The following CELF2 variants were observed in gnomAD, a reference collection of about 807,000 sequenced individuals.
CELF2 encodes CUGBP Elav-like family member 2.
A neutral mutation model predicts 62.6 loss-of-function variants in CELF2; 8 were observed. The observed-to-expected ratio is 0.13, with a 90% CI of 0.07 to 0.23. The LOEUF (loss-of-function observed/expected upper bound fraction) is 0.23. Among genes scored for constraint, CELF2 ranks in the 10% least tolerant of loss-of-function variants. CELF2 has a pLI of 1.00. For synonymous variants in CELF2, 258 were observed against 250.0 expected (o/e 1.03, Z -0.30); for missense variants, 333 against 671.0 (o/e 0.50, Z 5.56).
chr10:11,055,966 A>G (rs914777125), intron 1 of CELF2, among the ~76,000 whole-genome samples: 1 of 152,230 alleles, frequency 6.6e-6, no homozygotes, highest in East Asian at 1.9e-4. Context: ...GGGGAGCCAC[A>G]GAGAAGAGTA....
At position 11,280,589 on chromosome 10, in the gene CELF2, TC is replaced by T. The variant is rs1302164112; in HGVS notation, c.841+5473del. ...CCCAGGAACACTGGGGCCAAGACAG[TC>T]CCCACGCTCTTCTCGCCCCGGGTTA... On this transcript the variant is annotated intron_variant, in intron 8 of 12. Coordinates refer to ENST00000633077, the MANE Select transcript of CELF2 (RefSeq NM_001326342.2). This position sits in a 1 kb window ranked among gnomAD's most constrained non-coding sequence, Gnocchi z 7.6. Among the ~76,000 whole-genome samples, 1 of 152,032 alleles carries T rather than the reference TC, an allele frequency of 6.6e-6. No homozygotes were observed. Among genetic ancestry groups the T allele is most frequent in the Admixed American group, 6.5e-5 (1 of 15,276 alleles).
chr10:10,863,247 A>G (rs1028633516), intron 1 of CELF2, among the ~76,000 whole-genome samples: 3 of 152,230 alleles, frequency 2.0e-5, no homozygotes, highest in Non-Finnish European at 4.4e-5. Flanking sequence ...TCCCACTATC[A>G]CATTAATCCT....
chr10:10,613,109 C>T, the CELF2 span, among the ~76,000 whole-genome samples: 551 of 149,802 alleles, frequency 3.7e-3, no homozygotes, highest in Non-Finnish European at 5.9e-3. Flanking sequence ...GGCTTCGAAA[C>T]TCTTAGCTCA....
At chr10:11,259,187 G>A (rs1345884792) in intron 5 of CELF2, among the ~76,000 whole-genome samples, 5 of 152,328 alleles carry the variant, frequency 3.3e-5, no homozygotes, top group Admixed American at 1.3e-4. Flanking sequence ...GAAAGCACTC[G>A]TCTTCACCCT....
intron 1 of CELF2, among the ~76,000 whole-genome samples, chr10:11,033,257 AT>A (rs199975812): frequency 0.014 from 1,975 of 139,076 alleles, 23 homozygotes; most frequent in African/African-American, 0.035. Context: ...TGTTCAGGGC[AT>A]TTTTTTTTTT....
chr10:11,124,127 G>GC (rs202084106), intron 1 of CELF2, among the ~76,000 whole-genome samples: 2,378 of 152,232 alleles, frequency 0.016, 31 homozygotes, highest in African/African-American at 0.029. Flanking sequence ...TGGGAGAACT[G>GC]CCCCATGATT....
the CELF2 span, among the ~76,000 whole-genome samples, chr10:10,617,633 G>A: frequency 1.3e-5 from 2 of 151,978 alleles, no homozygotes; most frequent in African/African-American, 4.8e-5. Context: ...TGAACCCTTG[G>A]ATACAGCAGC....
At chr10:11,048,842 GT>G (rs1477174810) in intron 1 of CELF2, among the ~76,000 whole-genome samples, 1 of 152,198 alleles carries the variant, frequency 6.6e-6, no homozygotes, top group Non-Finnish European at 1.5e-5. Context: ...GTGCACATAA[GT>G]GCATTACATG....
the CELF2 span, among the ~76,000 whole-genome samples, chr10:10,788,409 A>G: frequency 6.6e-6 from 1 of 150,540 alleles, no homozygotes; most frequent in South Asian, 2.1e-4. Flanking sequence ...TAAATGATTG[A>G]AATTGTACCA....
Position 11,325,747 on chromosome 10 carries a change from C to T in CELF2, c.1295-89C>T, listed in dbSNP as rs906224837. On this transcript the variant is annotated intron_variant, in intron 11 of 12. Transcript: ENST00000633077. ...TTTGTTTGTTCAACTAAATGCTTAG[C>T]CTACCTGTTGTTAAAGTATTCCTAA... is the stretch of plus-strand genomic sequence containing the variant. 11 of 1,176,454 alleles carry T rather than the reference C, an allele frequency of 9.4e-6. No homozygotes were observed. The African/African-American group carries it at 1.5e-4, about 16-fold the overall frequency. The allele number at this position is 1,176,454 out of a possible 1,614,324, so 72.9% of individuals were successfully genotyped here. A position where few individuals can be genotyped will look rare whatever the true frequency, so the allele number is the denominator to read the frequency against.
the CELF2 span, among the ~76,000 whole-genome samples, chr10:10,702,071 G>T: frequency 6.6e-6 from 1 of 152,180 alleles, no homozygotes; most frequent in Non-Finnish European, 1.5e-5. Context: ...GTTTGATTTT[G>T]GAGGGGAGCG....
At chr10:10,818,546 C>CTTTT (rs3028992) in intron 1 of CELF2, among the ~76,000 whole-genome samples, 16 of 116,538 alleles carry the variant, frequency 1.4e-4, no homozygotes, top group Non-Finnish European at 1.2e-4. Context: ...TAAATATTTC[C>CTTTT]TTTTTTTTTT....
chr10:10,705,797 A>G, the CELF2 span, among the ~76,000 whole-genome samples: 1 of 152,146 alleles, frequency 6.6e-6, no homozygotes, highest in Non-Finnish European at 1.5e-5. Flanking sequence ...AGGCCCATTC[A>G]CCTGTAGAAG....
the CELF2 span, among the ~76,000 whole-genome samples, chr10:10,728,222 C>T: frequency 1.3e-5 from 2 of 150,084 alleles, no homozygotes; most frequent in East Asian, 1.9e-4. Context: ...GGGTGGATCA[C>T]GAGGTCAGGA....
the CELF2 span, among the ~76,000 whole-genome samples, chr10:10,708,290 G>A: frequency 0.016 from 2,507 of 152,262 alleles, 33 homozygotes; most frequent in African/African-American, 0.037. Flanking sequence ...GCTACCCTCT[G>A]GCTTTACAGA....
chr10:10,562,299 G>A, the CELF2 span, among the ~76,000 whole-genome samples: 1 of 152,290 alleles, frequency 6.6e-6, no homozygotes, highest in East Asian at 1.9e-4. Context: ...TCTGCAGACA[G>A]GCTGTGTTTC....
chr10:10,669,152 T>A, the CELF2 span, among the ~76,000 whole-genome samples: 1 of 152,150 alleles, frequency 6.6e-6, no homozygotes, highest in South Asian at 2.1e-4. Context: ...TGAACTGAGA[T>A]TCTCAGGTTG....
In CELF2 at chr10:10,931,032, C is replaced by G. The variant is rs559843834; in HGVS notation, c.89+11033C>G. 6.6e-6 allele frequency among the ~76,000 whole-genome samples: 1 copy of G among 152,140 alleles called. No individual in the cohort carries two copies. Among genetic ancestry groups the G allele is most frequent in the African/African-American group, 2.4e-5 (1 of 41,430 alleles). ...GGCTTCCACTGATGTTTGGGATTGT[C>G]GAGCTACCAAGAACACATAAATTAA... On this transcript the variant is annotated intron_variant, in intron 2 of 13. Coordinates refer to the CELF2 transcript ENST00000636488. The surrounding 1 kb of genome is among the most constrained non-coding windows in gnomAD (Gnocchi z 6.1).
At chr10:10,560,784 A>G in the CELF2 span, among the ~76,000 whole-genome samples, 2 of 152,208 alleles carry the variant, frequency 1.3e-5, no homozygotes, top group African/African-American at 4.8e-5. Context: ...ATGCCCATCA[A>G]TGAGTGGATA....
Sources: allele counts gnomAD v4.1 joint callset (sites outside exome capture counted in the v4.1 genomes callset), GRCh38; gene constraint gnomAD v4.1.1; non-coding constraint Gnocchi (gnomAD v3.1); transcripts MANE v1.5; gene names NCBI Gene and HGNC (gene_info 2026-07-23, HGNC 2026-07-21).